USP22: variants seen among roughly 807,000 people sequenced by gnomAD.
USP22 encodes the protein ubiquitin carboxyl-terminal hydrolase 22.
Under a neutral mutation model 68.1 loss-of-function variants are expected in USP22, and 22 were observed. The ratio of observed to expected loss-of-function variants is 0.32; its 90% CI spans 0.23 to 0.46. The LOEUF (loss-of-function observed/expected upper bound fraction) is 0.46. Among genes scored for constraint, USP22 ranks in the 20% least tolerant of loss-of-function variants. USP22 has a pLI of 1.00. For synonymous variants in USP22, 279 were observed against 274.2 expected (o/e 1.02, Z -0.17); for missense variants, 433 against 695.8 (o/e 0.62, Z 4.25).
intron 1 of USP22, among the ~76,000 whole-genome samples, chr17:21,030,848 A>G (rs1345571141): frequency 6.6e-6 from 1 of 152,236 alleles, no homozygotes; most frequent in Non-Finnish European, 1.5e-5. Context: ...ATATTATTGG[A>G]ACAATTCAGG....
intron 1 of USP22, among the ~76,000 whole-genome samples, chr17:21,033,752 A>AT (rs1238907732): frequency 3.8e-5 from 5 of 130,586 alleles, no homozygotes; most frequent in African/African-American, 1.6e-4. Flanking sequence ...GGACAGGTAT[A>AT]ATTTTTTTTT....
chr17:21,038,400 T>G (rs1189039110), intron 1 of USP22, among the ~76,000 whole-genome samples: 6 of 151,828 alleles, frequency 4.0e-5, no homozygotes, highest in Admixed American at 6.6e-5. Context: ...CTGGGAGAGG[T>G]GGCTCATGCC....
chr17:21,006,832 G>C, intron 10 of USP22, 64 bp downstream of exon 10: 3 of 1,350,970 alleles, frequency 2.2e-6, no homozygotes, highest in Non-Finnish European at 3.0e-6. Context: ...GCTCCGAGCT[G>C]GATTCCTGTC....
intron 4 of USP22, among the ~76,000 whole-genome samples, 199 bp downstream of exon 4, chr17:21,018,885 C>T (rs777298131): frequency 1.5e-4 from 23 of 152,214 alleles, no homozygotes; most frequent in East Asian, 3.8e-4. Context: ...GCTGTTGCTA[C>T]GCATCACTCT....
At chr17:21,035,523 AAAC>A (rs1337387036) in intron 1 of USP22, among the ~76,000 whole-genome samples, 1 of 151,896 alleles carries the variant, frequency 6.6e-6, no homozygotes, top group Admixed American at 6.6e-5. Context: ...GACAAAAAAA[AAAC>A]AAACCACAAC....
At chr17:21,003,411 C>T (rs540747091) in intron 12 of USP22, among the ~76,000 whole-genome samples, 114 of 152,344 alleles carry the variant, frequency 7.5e-4, no homozygotes, top group Non-Finnish European at 1.4e-3. Flanking sequence ...TCCACCTCAT[C>T]GCCCTGAAGG....
In USP22 at chr17:21,007,198, G is replaced by A. The variant is rs1913808296; in HGVS notation, c.1231-211C>T. ...TACAGGGTTCAAGTCTTCAAATGAT[G>A]GGACTGTTCAGTGGTAACACCAAGG... On this transcript the variant is annotated intron_variant, in intron 9 of 12. Transcript: ENST00000261497. 1.3e-5 allele frequency among the ~76,000 whole-genome samples: 2 copies of A among 152,200 alleles called. 1 individual carries two copies. Among genetic ancestry groups the A allele is most frequent in the South Asian group, 4.1e-4 (2 of 4,836 alleles).
rs1401647515 is a variant in USP22 at position 21,003,055 on chromosome 17, G to C, written c.1554C>G (p.His518Gln). 6.2e-7 allele frequency: 1 copy of C among 1,614,014 alleles called. No individual in the cohort carries two copies. Residue 518 changes from histidine to glutamine, a missense_variant, in exon 13 of 13, where the codon CAC (histidine) becomes CAG (glutamine). Coordinates refer to ENST00000261497, the MANE Select transcript of USP22 (RefSeq NM_015276.2). ...GCTACTCGTATTCCAGGAACTGTTT[G>C]TGATAGAACAGCAAGTACCTGTGGA... ...LDSEGYLLFYHKQFLEYE is the reference protein window; with the variant it reads ...LDSEGYLLFYQKQFLEYE
At chr17:21,016,083 G>A (rs1393375398) in intron 5 of USP22, among the ~76,000 whole-genome samples, 184 bp from the exon 6 acceptor site, 25 of 151,268 alleles carry the variant, frequency 1.7e-4, no homozygotes, top group Admixed American at 1.6e-3. Flanking sequence ...TGGACTTTTC[G>A]AGTCCTCATA....
chr17:21,043,296 G>GCCCC (rs1567596599), upstream of USP22: 1 of 49,000 alleles, frequency 2.0e-5, no homozygotes, highest in Non-Finnish European at 3.7e-5. Context: ...TTGGTAGTAG[G>GCCCC]CCACCCCCCC....
At chr17:21,020,325 T>G (rs945039201) in intron 3 of USP22, among the ~76,000 whole-genome samples, 1 of 149,238 alleles carries the variant, frequency 6.7e-6, no homozygotes, top group Admixed American at 6.7e-5. Context: ...AATGACTGCA[T>G]GTTTGCTCCT....
At chr17:21,027,312 C>T (rs866138273) in intron 2 of USP22, among the ~76,000 whole-genome samples, 1 of 52,020 alleles carries the variant, frequency 1.9e-5, no homozygotes, top group African/African-American at 6.0e-5. Context: ...AAAAAAAAAT[C>T]AGACACACTA....
At chr17:21,008,065 G>GT in intron 8 of USP22, 69 bp from the exon 9 acceptor site, 1 of 1,521,796 alleles carries the variant, frequency 6.6e-7, no homozygotes, top group South Asian at 1.2e-5. Context: ...GAGGAAAGAG[G>GT]TATTTTATCT....
chr17:21,020,264 A>AAAAAAAAAAAAAAAAAC (rs1972138539), intron 3 of USP22, among the ~76,000 whole-genome samples: 1 of 128,142 alleles, frequency 7.8e-6, no homozygotes, highest in African/African-American at 2.7e-5. Flanking sequence ...AAAAAAAAAA[A>AAAAAAAAAAAAAAAAAC]AAAAAGGAAA....
At chr17:21,007,348 G>T (rs1251641200) in intron 9 of USP22, among the ~76,000 whole-genome samples, 3 of 152,178 alleles carry the variant, frequency 2.0e-5, no homozygotes, top group Non-Finnish European at 4.4e-5. Context: ...CCTTTGCCTA[G>T]ATCAGGAGTC....
chr17:21,040,541 C>G (rs1444687281), intron 1 of USP22, among the ~76,000 whole-genome samples: 1 of 146,720 alleles, frequency 6.8e-6, no homozygotes, highest in Non-Finnish European at 1.5e-5. Context: ...TGTGGCTCAA[C>G]AGTTTTGAAA....
chr17:21,005,497 T>C (rs1175425477), intron 10 of USP22, among the ~76,000 whole-genome samples: 1 of 152,240 alleles, frequency 6.6e-6, no homozygotes, highest in Non-Finnish European at 1.5e-5. Context: ...CATTATTTAC[T>C]GCATTTTCCT....
Position 21,038,665 on chromosome 17 carries a change from C to CA in USP22, c.171+3999dup, listed in dbSNP as rs35897137. Among the ~76,000 whole-genome samples, 796 of 107,624 alleles carry CA rather than the reference C, an allele frequency of 7.4e-3. 3 individuals are homozygous for CA. The highest frequency in any genetic ancestry group is 0.011 in the Middle Eastern group (2 of 178). The allele number at this position is 107,624 out of a possible 152,430, so 70.6% of individuals were successfully genotyped here. A position where few individuals can be genotyped will look rare whatever the true frequency, so the allele number is the denominator to read the frequency against. ...CCTGAGTGAGAGACAGACCCTGTCT[C>CA]AAAAAAAAAAAAAATACATAAAAAA... On this transcript the variant is annotated intron_variant, in intron 1 of 12. Coordinates refer to ENST00000261497, the MANE Select transcript of USP22 (RefSeq NM_015276.2).
Position 21,000,981 on chromosome 17 carries a change from T to A in USP22, c.*2050A>T, listed in dbSNP as rs140460400. On this transcript the variant is annotated 3_prime_UTR_variant, in exon 13 of 13. Transcript: ENST00000261497. ...ACGAGAACTGCTTGAACCCAGGAGG[T>A]GGAGGTTGCAGTGAGCCGAGACTGT... 3 of 136,584 alleles carry A rather than the reference T, an allele frequency of 2.2e-5. No individual in the cohort carries two copies. The East Asian group carries it at 6.3e-4, about 29-fold the overall frequency. 8.5% of individuals were successfully genotyped at this position (136,584 alleles called of 1,614,324 possible).
Sources: gnomAD v4.1 joint callset for allele counts (sites outside exome capture counted in the v4.1 genomes callset) on GRCh38, gnomAD v4.1.1 for gene constraint, MANE v1.5 for transcripts, NCBI Gene and HGNC (gene_info 2026-07-23, HGNC 2026-07-21) for gene names.